Variants in RALGAPA1 observed in about 807,000 individuals in gnomAD.
RALGAPA1 encodes Ral GTPase activating protein catalytic subunit alpha 1.
In RALGAPA1, 52 loss-of-function variants were observed where a neutral mutation model predicts 269.6. That is an observed-to-expected ratio of 0.19 (90% CI 0.15 to 0.24). The LOEUF (loss-of-function observed/expected upper bound fraction) is 0.24. RALGAPA1 is among the 10% of genes least tolerant of loss of function. The pLI is 1.00. For synonymous variants in RALGAPA1, 817 were observed against 1,008.3 expected (o/e 0.81, Z 3.60); for missense variants, 1,917 against 3,013.9 (o/e 0.64, Z 8.52).
At chr14:35,543,606 T>G (rs2054201722) in intron 41 of RALGAPA1, among the ~76,000 whole-genome samples, 2 of 152,186 alleles carry the variant, frequency 1.3e-5, no homozygotes, top group Admixed American at 6.5e-5. Context: ...TGGATGGCAC[T>G]GAATATCATA....
intron 21 of RALGAPA1, among the ~76,000 whole-genome samples, chr14:35,682,175 C>T (rs545382567): frequency 6.6e-6 from 1 of 152,162 alleles, no homozygotes; most frequent in Admixed American, 6.6e-5. Flanking sequence ...ACATAATAAA[C>T]GTATGTTTAA....
At position 35,688,575 on chromosome 14, in the gene RALGAPA1, G is replaced by A. The variant is rs1043611280; in HGVS notation, c.3836C>T (p.Ala1279Val). The A allele has an allele frequency of 1.0e-5, 16 of 1,535,954 alleles. No homozygotes were observed. The African/African-American group carries it at 1.5e-4, about 14-fold the overall frequency. ...LGGVYKTVVH[A>V]LSKPKANVSP... ...AACATTTGCCTTCGGCTTCGAAAGA[G>A]CATGTACAACAGTTTTATAAACGCC... Residue 1279 changes from alanine to valine, a missense_variant, in exon 18 of 42, where the codon GCT becomes GTT. Ala to Val is a moderately conservative substitution (Grantham distance 64). Coordinates refer to ENST00000680220, the MANE Select transcript of RALGAPA1 (RefSeq NM_001346249.2).
Position 35,673,036 on chromosome 14 carries a change from A to G in RALGAPA1, c.4918-14T>C. ...CAACATGGTTGCCTAAAATTAAAAG[A>G]TCAGTTTTAATGTTCAAAAAGAAAT... On this transcript the variant is annotated splice_polypyrimidine_tract_variant and intron_variant, in intron 24 of 41. Transcript: ENST00000680220. 7 of 1,434,552 alleles carry G rather than the reference A, an allele frequency of 4.9e-6. No individual in the cohort carries two copies. Among genetic ancestry groups the G allele is most frequent in the Non-Finnish European group, 6.4e-6 (7 of 1,085,342 alleles). The allele number at this position is 1,434,552 out of a possible 1,614,324, so 88.9% of individuals were successfully genotyped here. A position where few individuals can be genotyped will look rare whatever the true frequency, so the allele number is the denominator to read the frequency against.
At chr14:35,599,465 C>T (rs2059140289) in intron 36 of RALGAPA1, among the ~76,000 whole-genome samples, 1 of 152,198 alleles carries the variant, frequency 6.6e-6, no homozygotes, top group East Asian at 1.9e-4. Flanking sequence ...TCTGGGTCTG[C>T]TGGGCACAGT....
At chr14:35,700,444 G>A (rs376848051) in intron 16 of RALGAPA1, 142 bp from the exon 17 acceptor site, 5 of 518,158 alleles carry the variant, frequency 9.6e-6, no homozygotes, top group South Asian at 1.0e-4. Context: ...ATTTCAGCAC[G>A]GCAAATACTG....
intron 36 of RALGAPA1, among the ~76,000 whole-genome samples, chr14:35,596,171 G>GGT: frequency 6.6e-6 from 1 of 152,022 alleles, no homozygotes; most frequent in South Asian, 2.1e-4. Flanking sequence ...TGATTAATTT[G>GGT]GTGTGTTGTA....
intron 1 of RALGAPA1, among the ~76,000 whole-genome samples, chr14:35,807,498 A>C (rs1326156296): frequency 1.3e-5 from 2 of 152,228 alleles, no homozygotes; most frequent in Non-Finnish European, 2.9e-5. Context: ...GTAAAAAAAC[A>C]AACTAGAGAC....
At chr14:35,601,026 TTA>T (rs2059258434) in intron 36 of RALGAPA1, among the ~76,000 whole-genome samples, 1 of 152,114 alleles carries the variant, frequency 6.6e-6, no homozygotes, top group Non-Finnish European at 1.5e-5. Context: ...GGAGGTAAAA[TTA>T]TATGTTCCCT....
In RALGAPA1 at chr14:35,547,584, G is replaced by A. The variant is rs116691244; in HGVS notation, c.*23+924C>T. ...TTTTAATATAATCTGACATTTTATC[G>A]GACATTCTCCATTATTAAACAAGAA... On this transcript the variant is annotated intron_variant, in intron 41 of 41. Transcript: ENST00000680220. Among the ~76,000 whole-genome samples, 454 of 151,884 alleles carry A rather than the reference G, an allele frequency of 3.0e-3. 1 individual carries two copies. Among genetic ancestry groups the A allele is most frequent in the African/African-American group, 8.6e-3 (358 of 41,448 alleles).
chr14:35,747,678 T>C (rs1218047400), intron 10 of RALGAPA1, among the ~76,000 whole-genome samples: 1 of 152,164 alleles, frequency 6.6e-6, no homozygotes, highest in African/African-American at 2.4e-5. Flanking sequence ...GGCATTTTAT[T>C]TGAAGATCTA....
At chr14:35,690,150 C>CT (rs1257038779) in intron 17 of RALGAPA1, 147 bp from the exon 18 acceptor site, 2 of 592,808 alleles carry the variant, frequency 3.4e-6, no homozygotes, top group Non-Finnish European at 5.5e-6. Flanking sequence ...TACAAATCTG[C>CT]TTTTTTAAAA....
intron 14 of RALGAPA1, among the ~76,000 whole-genome samples, chr14:35,724,047 C>T (rs1278974204): frequency 4.6e-5 from 7 of 152,092 alleles, no homozygotes; most frequent in African/African-American, 1.7e-4. Context: ...TAACTACTGA[C>T]CTCCCAATCT....
intron 9 of RALGAPA1, among the ~76,000 whole-genome samples, chr14:35,749,192 T>C (rs2072441931): frequency 6.6e-6 from 1 of 152,136 alleles, no homozygotes; most frequent in Non-Finnish European, 1.5e-5. Flanking sequence ...TAACTTAACA[T>C]CAGAATGTTT....
chr14:35,678,215 T>C lies in RALGAPA1; in HGVS notation c.4472-113A>G, dbSNP rs1009897475. The C allele has an allele frequency of 4.9e-6, 5 of 1,010,532 alleles. No homozygotes were observed. In the African/African-American group the frequency reaches 8.5e-5, roughly 17 times the overall value. 62.6% of individuals were successfully genotyped at this position (1,010,532 alleles called of 1,614,324 possible). ...TTTAAACACCAAAAGATAAAACCAG[T>C]TATAAACTGGCCAGGGAGGTCAAGA... On this transcript the variant is annotated intron_variant, in intron 21 of 41. Coordinates refer to ENST00000680220, the MANE Select transcript of RALGAPA1 (RefSeq NM_001346249.2).
chr14:35,743,085 G>C (rs2071718856), intron 10 of RALGAPA1, among the ~76,000 whole-genome samples: 1 of 151,886 alleles, frequency 6.6e-6, no homozygotes, highest in African/African-American at 2.4e-5. Context: ...GATATGGGAA[G>C]AAACTGTAGT....
rs577032229 is a variant in RALGAPA1, at chr14:35,785,147, C to T, written c.107-9402G>A. 1.2e-4 allele frequency among the ~76,000 whole-genome samples: 18 copies of T among 152,208 alleles called. No homozygotes were observed. In the South Asian group the frequency reaches 1.2e-3, roughly 11 times the overall value. On this transcript the variant is annotated intron_variant, in intron 1 of 41. Transcript: ENST00000680220. ...ACACTCAAAGACATTATTTTGGATA[C>T]TGAAAATAATTAAACATATGGTATC... is the stretch of plus-strand genomic sequence containing the variant.
intron 39 of RALGAPA1, among the ~76,000 whole-genome samples, chr14:35,566,052 G>A (rs908941627): frequency 2.0e-5 from 3 of 151,968 alleles, no homozygotes; most frequent in African/African-American, 4.8e-5. Flanking sequence ...GAATCTGCTT[G>A]GTTTTCCTCC....
intron 41 of RALGAPA1, chr14:35,542,121 T>G: frequency 1.5e-6 from 1 of 651,790 alleles, no homozygotes; most frequent in South Asian, 1.7e-5. Flanking sequence ...GTGTTCACTG[T>G]ACTGTTGGCA....
At chr14:35,664,801 T>G in intron 26 of RALGAPA1, 34 bp from the exon 27 acceptor site, 1 of 1,592,546 alleles carries the variant, frequency 6.3e-7, no homozygotes, top group Admixed American at 1.8e-5. Context: ...TTTAAAAATA[T>G]ATTGGTGTTA....
Sources: gnomAD v4.1 joint callset for allele counts (sites outside exome capture counted in the v4.1 genomes callset) on GRCh38, gnomAD v4.1.1 for gene constraint, MANE v1.5 for transcripts, NCBI Gene and HGNC (gene_info 2026-07-23, HGNC 2026-07-21) for gene names.